The following GRIA4 variants were observed in gnomAD, a reference collection of about 807,000 sequenced individuals.
GRIA4 encodes glutamate ionotropic receptor AMPA type subunit 4, also known as glutamate receptor 4.
Under a neutral mutation model 104.0 loss-of-function variants are expected in GRIA4, and 34 were observed. That is an observed-to-expected ratio of 0.33 (90% CI 0.25 to 0.44). The LOEUF (loss-of-function observed/expected upper bound fraction) is 0.44, where lower values mean the gene tolerates loss of function less well. GRIA4 is among the 20% of genes least tolerant of loss of function. The pLI is 1.00. For synonymous variants in GRIA4, 386 were observed against 381.9 expected, an observed-to-expected ratio of 1.01 and a Z score of -0.13; for missense variants, 750 against 1,096.5, an observed-to-expected ratio of 0.68 and a Z score of 4.46.
chr11:105,818,124 A>G (rs985997509), intron 4 of GRIA4, among the ~76,000 whole-genome samples: 3 of 152,254 alleles, frequency 2.0e-5, no homozygotes, highest in Admixed American at 6.5e-5. Flanking sequence ...AAGAGTTTTC[A>G]AGGATTAGAT....
At position 105,630,393 on chromosome 11, in the gene GRIA4, G is replaced by A. The variant is rs543477371; in HGVS notation, c.247+17959G>A. ...AGCCTGACTGACATGGTGAGACCCC[G>A]TCTCTACTACAAATACAAAAATTAG... On this transcript the variant is annotated intron_variant, in intron 3 of 16. Transcript: ENST00000282499. Among the ~76,000 whole-genome samples the A allele has an allele frequency of 1.6e-4, 25 of 152,010 alleles. 1 individual carries two copies. In the South Asian group the frequency reaches 4.8e-3, roughly 29 times the overall value.
chr11:105,929,664 A>T (rs569421485), intron 13 of GRIA4, among the ~76,000 whole-genome samples: 1 of 152,250 alleles, frequency 6.6e-6, no homozygotes, highest in African/African-American at 2.4e-5. Flanking sequence ...GGTTTATGAT[A>T]TTACCAAATA....
At chr11:105,779,968 G>C (rs1294637057) in intron 4 of GRIA4, among the ~76,000 whole-genome samples, 4 of 152,136 alleles carry the variant, frequency 2.6e-5, no homozygotes, top group Non-Finnish European at 5.9e-5. Context: ...ACACTGACTA[G>C]AGGAATTGCT....
At chr11:105,889,225 T>C (rs1032316345) in intron 6 of GRIA4, among the ~76,000 whole-genome samples, 16 of 152,162 alleles carry the variant, frequency 1.1e-4, no homozygotes, top group Non-Finnish European at 1.3e-4. Context: ...ACAAAGGATA[T>C]CGTAAACAGC....
intron 14 of GRIA4, among the ~76,000 whole-genome samples, chr11:105,959,530 T>C (rs1948680532): frequency 1.3e-5 from 2 of 152,328 alleles, no homozygotes; most frequent in South Asian, 2.1e-4. Context: ...CTTAGCTTCT[T>C]TGCATTGGGT....
At chr11:105,638,325 A>C (rs1951265125) in intron 3 of GRIA4, among the ~76,000 whole-genome samples, 1 of 152,172 alleles carries the variant, frequency 6.6e-6, no homozygotes, top group African/African-American at 2.4e-5. Flanking sequence ...CTACAGGCTA[A>C]CAAGGCCTGG....
chr11:105,659,664 C>G (rs2135407153), intron 3 of GRIA4, among the ~76,000 whole-genome samples: 2 of 151,996 alleles, frequency 1.3e-5, no homozygotes, highest in South Asian at 4.1e-4. Context: ...TCCTGACATA[C>G]AGCTTAAACT....
intron 4 of GRIA4, among the ~76,000 whole-genome samples, chr11:105,821,221 A>G (rs546409108): frequency 1.8e-4 from 27 of 152,298 alleles, no homozygotes; most frequent in African/African-American, 6.5e-4. Flanking sequence ...AATAACAACA[A>G]TATAGGAAAA....
intron 3 of GRIA4, among the ~76,000 whole-genome samples, chr11:105,628,739 C>A (rs542289382): frequency 5.3e-5 from 8 of 152,140 alleles, no homozygotes; most frequent in African/African-American, 1.9e-4. Context: ...GCATTTTATT[C>A]TTTATTTCAC....
intron 3 of GRIA4, among the ~76,000 whole-genome samples, chr11:105,698,973 T>TA (rs1953387286): frequency 1.3e-5 from 2 of 152,206 alleles, no homozygotes; most frequent in African/African-American, 4.8e-5. Context: ...AATTGCTGAA[T>TA]ATGCCATGTC....
chr11:105,820,626 A>G (rs1943542344), intron 4 of GRIA4, among the ~76,000 whole-genome samples: 2 of 151,672 alleles, frequency 1.3e-5, no homozygotes, highest in South Asian at 2.1e-4. Flanking sequence ...CTTTCCATCT[A>G]TGTTGTCAGA....
chr11:105,911,775 A>ATATATATATATATATAT (rs1947245103), intron 10 of GRIA4: 1 of 72,974 alleles, frequency 1.4e-5, no homozygotes, highest in African/African-American at 6.9e-5. Flanking sequence ...CTTGAAAAGC[A>ATATATATATATATATAT]ATATATATAT....
intron 5 of GRIA4, among the ~76,000 whole-genome samples, chr11:105,862,907 C>T (rs1014237901): frequency 6.6e-6 from 1 of 152,294 alleles, no homozygotes; most frequent in South Asian, 2.1e-4. Flanking sequence ...CTGCCTTTCC[C>T]TACCCCTGCA....
At chr11:105,905,007 T>C (rs1261489136) in intron 8 of GRIA4, among the ~76,000 whole-genome samples, 190 bp from the exon 9 acceptor site, 5 of 152,178 alleles carry the variant, frequency 3.3e-5, no homozygotes, top group African/African-American at 4.8e-5. Flanking sequence ...ATAGCAAAAT[T>C]GCTTATACAT....
chr11:105,964,909 C>T lies in GRIA4; in HGVS notation c.2295-7005C>T, dbSNP rs867629088. On this transcript the variant is annotated intron_variant, in intron 14 of 16. Coordinates refer to ENST00000282499, the MANE Select transcript of GRIA4 (RefSeq NM_000829.4). ...GCAACCTTTGCCTCCCAGGTTCAAGCGATTCTCCTGCTTCAGCCTCCTGAG... is the reference window on the plus strand; with the variant it reads ...GCAACCTTTGCCTCCCAGGTTCAAGTGATTCTCCTGCTTCAGCCTCCTGAG... Among the ~76,000 whole-genome samples, 6 of 151,938 alleles carry T rather than the reference C, an allele frequency of 3.9e-5. No individual in the cohort carries two copies. In the South Asian group the frequency reaches 8.3e-4, roughly 21 times the overall value.
chr11:105,957,242 A>C (rs192841770), intron 14 of GRIA4, among the ~76,000 whole-genome samples: 3 of 152,186 alleles, frequency 2.0e-5, no homozygotes. Flanking sequence ...TATGGCTTTT[A>C]GGTCTAACAT....
intron 4 of GRIA4, among the ~76,000 whole-genome samples, chr11:105,815,383 G>A (rs1943334212): frequency 6.6e-6 from 1 of 152,098 alleles, no homozygotes; most frequent in African/African-American, 2.4e-5. Flanking sequence ...AGTGTTAGGT[G>A]CAAAAGAAGT....
At chr11:105,912,154 A>G (rs1947269608) in intron 10 of GRIA4, 5 of 1,031,040 alleles carry the variant, frequency 4.8e-6, no homozygotes, top group African/African-American at 1.7e-5. Flanking sequence ...CGATTCTGAC[A>G]TATCAATTCC....
Position 105,627,174 on chromosome 11 carries a change from A to G in GRIA4, c.247+14740A>G, listed in dbSNP as rs578075141. On this transcript the variant is annotated intron_variant, in intron 3 of 16. Transcript: ENST00000282499. ...TGAAAGACGCATGAGATTCTGCTATACTCTAAAGAGAAAGAAAAATATTTC... is the reference window on the plus strand; with the variant it reads ...TGAAAGACGCATGAGATTCTGCTATGCTCTAAAGAGAAAGAAAAATATTTC... Among the ~76,000 whole-genome samples the G allele has an allele frequency of 6.5e-4, 99 of 152,300 alleles. 1 individual carries two copies. Among genetic ancestry groups the G allele is most frequent in the Non-Finnish European group, 1.2e-3 (79 of 68,024 alleles).
Sources: allele counts gnomAD v4.1 joint callset (sites outside exome capture counted in the v4.1 genomes callset), GRCh38; gene constraint gnomAD v4.1.1; transcripts MANE v1.5; gene names NCBI Gene and HGNC (gene_info 2026-07-23, HGNC 2026-07-21).